Variants in DNAAF1 observed in about 807,000 individuals in gnomAD.
The protein encoded by DNAAF1 is dynein assembly factor 1, axonemal.
In DNAAF1, 65 loss-of-function variants were observed where a neutral mutation model predicts 71.1. The observed-to-expected ratio is 0.91, with a 90% CI of 0.75 to 1.12. The LOEUF (loss-of-function observed/expected upper bound fraction) is 1.12, where lower values mean the gene tolerates loss of function less well. DNAAF1 is among the 50% of genes most tolerant of loss of function. The pLI, the probability that DNAAF1 is intolerant of heterozygous loss-of-function variation, is 0.00. For synonymous variants in DNAAF1, 414 were observed against 354.6 expected (o/e 1.17, Z -1.88); for missense variants, 1,178 against 899.8 (o/e 1.31, Z -3.96).
chr16:84,167,779 G>C (rs1040767532), intron 7 of DNAAF1, among the ~76,000 whole-genome samples: 1 of 152,196 alleles, frequency 6.6e-6, no homozygotes, highest in African/African-American at 2.4e-5. Flanking sequence ...ACTTTGGGAG[G>C]CTGAGGCGGG....
At chr16:84,172,217 G>T (rs1225171628) in intron 8 of DNAAF1, 43 bp from the exon 9 acceptor site, 2 of 1,584,964 alleles carry the variant, frequency 1.3e-6, no homozygotes, top group Non-Finnish European at 1.7e-6. Flanking sequence ...CCATCTGCCT[G>T]CCGTGTGTTA....
At chr16:84,163,499 G>T (rs1201102966) in intron 6 of DNAAF1, among the ~76,000 whole-genome samples, 1 of 151,658 alleles carries the variant, frequency 6.6e-6, no homozygotes, top group Non-Finnish European at 1.5e-5. Context: ...TCCTGCCTCA[G>T]CCTCCCTAGT....
In DNAAF1 at chr16:84,169,952, T is replaced by C. The variant is rs1033218638; in HGVS notation, c.1124T>C (p.Met375Thr). 3.1e-6 allele frequency: 5 copies of C among 1,614,100 alleles called. No individual in the cohort carries two copies. In the Middle Eastern group the frequency reaches 8.4e-4, roughly 270 times the overall value. ...PPGDRETRQK[M>T]ELFVKESFEA... ...GGGGACAGAGAAACAAGGCAGAAGA[T>C]GGAGCTATTTGTTAAGGAAAGCTTT... Residue 375 changes from methionine to threonine, a missense_variant, in exon 8 of 12, where the codon ATG (methionine) becomes ACG (threonine). Transcript: ENST00000378553.
intron 3 of DNAAF1, among the ~76,000 whole-genome samples, chr16:84,154,022 G>A (rs536959632): frequency 5.3e-5 from 8 of 152,132 alleles, no homozygotes; most frequent in Non-Finnish European, 8.8e-5. Flanking sequence ...ATGAGTCACC[G>A]TGACTCTGAT....
At chr16:84,161,316 A>C (rs1034018765) in intron 6 of DNAAF1, among the ~76,000 whole-genome samples, 4 of 152,152 alleles carry the variant, frequency 2.6e-5, no homozygotes, top group African/African-American at 4.8e-5. Flanking sequence ...AGTAACATGG[A>C]TGTTAGCAAT....
At chr16:84,155,066 A>G (rs1052110848) in intron 4 of DNAAF1, among the ~76,000 whole-genome samples, 21 of 151,824 alleles carry the variant, frequency 1.4e-4, no homozygotes, top group African/African-American at 4.3e-4. Context: ...CCACCACCAC[A>G]CCTGGCTAAT....
chr16:84,176,622 A>G, intron 11 of DNAAF1: 1 of 421,914 alleles, frequency 2.4e-6, no homozygotes, highest in East Asian at 5.0e-5. Context: ...GTGCATTTCC[A>G]CCCCCTCCTC....
chr16:84,171,199 G>A (rs2088321130), intron 8 of DNAAF1, among the ~76,000 whole-genome samples: 1 of 152,186 alleles, frequency 6.6e-6, no homozygotes, highest in African/African-American at 2.4e-5. Flanking sequence ...ACTGTGGGAG[G>A]CCGAGGCAGG....
chr16:84,176,320 G>A (rs752468392), intron 11 of DNAAF1, 21 bp downstream of exon 11: 1 of 1,612,878 alleles, frequency 6.2e-7, no homozygotes, highest in South Asian at 1.1e-5. Flanking sequence ...GGGGCCGAGA[G>A]CACAGTGGAG....
At chr16:84,149,346 A>G (rs1001257872) in intron 2 of DNAAF1, among the ~76,000 whole-genome samples, 7 of 152,162 alleles carry the variant, frequency 4.6e-5, no homozygotes, top group African/African-American at 1.4e-4. Flanking sequence ...GCAGAGAGGA[A>G]CAGCAGTAGT....
intron 5 of DNAAF1, chr16:84,158,821 C>T (rs1449429305): frequency 6.4e-6 from 1 of 156,698 alleles, no homozygotes; most frequent in Non-Finnish European, 1.4e-5. Flanking sequence ...CCTCCCCCTC[C>T]TGGGTTCAAG....
chr16:84,172,530 C>G lies in DNAAF1; in HGVS notation c.1644+155C>G, dbSNP rs372398418. ...GGGGCGCTGGTTAGAAATGCAGACT[C>G]CCAGGCCTCACCCCAGGCCCACTGA... On this transcript the variant is annotated intron_variant, in intron 9 of 11. Transcript: ENST00000378553. 2.6e-4 allele frequency: 384 copies of G among 1,471,510 alleles called. 2 individuals carry two copies. The African/African-American group carries it at 4.8e-3, about 18-fold the overall frequency. The allele number at this position is 1,471,510 out of a possible 1,614,324, so 91.2% of individuals were successfully genotyped here.
Position 84,169,894 on chromosome 16 carries a change from C to G in DNAAF1, c.1066C>G (p.Pro356Ala). ...ATCTTCAGATGATGGTGAGAATGTG[C>G]CCGCCAGTGCGGAAGGCAAGGAGGA... is the stretch of plus-strand genomic sequence containing the variant. ...MTSSDDGENV[P>A]ASAEGKEEPP... is the part of the protein sequence containing the mutation. The change falls in exon 8 of 12, where the codon CCC (proline) becomes GCC (alanine). Residue 356 changes from proline (P) to alanine (A), a missense_variant. Pro to Ala is a conservative substitution (Grantham distance 27). Coordinates refer to ENST00000378553, the MANE Select transcript of DNAAF1 (RefSeq NM_178452.6). The G allele has an allele frequency of 1.9e-6, 3 of 1,614,064 alleles. No homozygotes were observed. The highest frequency in any genetic ancestry group is 2.5e-6 in the Non-Finnish European group (3 of 1,180,042).
At chr16:84,154,273 GC>G (rs1437660832) in intron 3 of DNAAF1, among the ~76,000 whole-genome samples, 8 of 152,284 alleles carry the variant, frequency 5.3e-5, no homozygotes, top group Admixed American at 2.0e-4. Context: ...GTGAGAGCTT[GC>G]TTTTTTATTC....
chr16:84,152,450 C>A (rs941454834), intron 3 of DNAAF1, among the ~76,000 whole-genome samples: 3 of 151,844 alleles, frequency 2.0e-5, no homozygotes, highest in African/African-American at 7.3e-5. Context: ...TGAGACCAGT[C>A]TGGCCAACAT....
intron 6 of DNAAF1, 30 bp from the exon 7 acceptor site, chr16:84,165,753 C>A (rs755500769): frequency 6.2e-7 from 1 of 1,602,036 alleles, no homozygotes; most frequent in Non-Finnish European, 8.5e-7. Flanking sequence ...GTTCACCTCC[C>A]CTATTTATGT....
chr16:84,172,500 T>TGCAGAC (rs2088417158), intron 9 of DNAAF1, 125 bp downstream of exon 9: 1 of 1,515,390 alleles, frequency 6.6e-7, no homozygotes, highest in East Asian at 2.5e-5. Context: ...AGGCCTGGCA[T>TGCAGAC]TTCTGGGGCG....
rs181258147 is a variant in DNAAF1 at position 84,168,190 on chromosome 16, G to A, written c.1031-1669G>A. ...TTCTCACCTCCTAGAGGCCGCCTGC[G>A]TTCCCTGGCTCGTGGCCCCTTCTTC... is the stretch of plus-strand genomic sequence containing the variant. On this transcript the variant is annotated intron_variant, in intron 7 of 11. Transcript: ENST00000378553. 7.0e-4 allele frequency among the ~76,000 whole-genome samples: 106 copies of A among 152,276 alleles called. 2 individuals carry two copies. Among genetic ancestry groups the A allele is most frequent in the African/African-American group, 2.2e-3 (90 of 41,554 alleles).
intron 5 of DNAAF1, among the ~76,000 whole-genome samples, chr16:84,157,002 A>G (rs1207762276): frequency 1.3e-5 from 2 of 150,916 alleles, no homozygotes; most frequent in African/African-American, 4.9e-5. Context: ...ACAGGTGTGC[A>G]CCACCACGTC....
Sources: allele counts gnomAD v4.1 joint callset (sites outside exome capture counted in the v4.1 genomes callset), GRCh38; gene constraint gnomAD v4.1.1; transcripts MANE v1.5; gene names NCBI Gene and HGNC (gene_info 2026-07-23, HGNC 2026-07-21).